Variants in MSH3 observed in about 807,000 individuals in gnomAD.
MSH3 encodes DNA mismatch repair protein Msh3.
MSH3 carries 106 observed loss-of-function variants against 123.3 expected under a neutral mutation model. The observed-to-expected ratio is 0.86, with a 90% CI of 0.73 to 1.01. The LOEUF is 1.01. MSH3 is among the 50% of genes least tolerant of loss of function. The probability of loss-of-function intolerance (pLI) is 0.00; values close to 1 mark genes in which losing one functional copy is unlikely to be tolerated. For synonymous variants in MSH3, 515 were observed against 481.4 expected (o/e 1.07, Z -0.91); for missense variants, 1,459 against 1,347.6 (o/e 1.08, Z -1.29).
chr5:80,713,620 C>T (rs1460637810), intron 8 of MSH3, among the ~76,000 whole-genome samples: 1 of 152,138 alleles, frequency 6.6e-6, no homozygotes, highest in Non-Finnish European at 1.5e-5. Context: ...AGATCTGGGT[C>T]AATTATATAA....
chr5:80,698,108 TC>T (rs1455504172), intron 8 of MSH3, among the ~76,000 whole-genome samples: 3 of 152,012 alleles, frequency 2.0e-5, no homozygotes, highest in Non-Finnish European at 4.4e-5. Flanking sequence ...CTCTATGTCT[TC>T]TATACTGGTT....
At chr5:80,724,827 C>A (rs989603085) in intron 8 of MSH3, among the ~76,000 whole-genome samples, 1 of 152,138 alleles carries the variant, frequency 6.6e-6, no homozygotes, top group African/African-American at 2.4e-5. Flanking sequence ...TATTTAGTAA[C>A]ATAATGGACC....
intron 20 of MSH3, among the ~76,000 whole-genome samples, chr5:80,821,484 A>G (rs1242224533): frequency 6.6e-6 from 1 of 152,264 alleles, no homozygotes; most frequent in African/African-American, 2.4e-5. Context: ...ACCCAGAGAT[A>G]CTGATCCCAT....
At chr5:80,809,589 T>C (rs1193540972) in intron 19 of MSH3, among the ~76,000 whole-genome samples, 3 of 152,228 alleles carry the variant, frequency 2.0e-5, no homozygotes, top group Non-Finnish European at 2.9e-5. Context: ...TTGAATTTGG[T>C]AATCCCATTT....
At position 80,746,423 on chromosome 5, in the gene MSH3, G is replaced by A. The variant is rs1743721879; in HGVS notation, c.1763+1808G>A. The A allele has an allele frequency of 6.8e-6, 3 of 442,376 alleles. No individual in the cohort carries two copies. The Admixed American group carries it at 8.0e-5, about 12-fold the overall frequency. The allele number at this position is 442,376 out of a possible 1,614,324, so 27.4% of individuals were successfully genotyped here. On this transcript the variant is annotated intron_variant, in intron 12 of 23. Transcript: ENST00000265081. Reference sequence around the variant, plus strand: ...TCATTTTTGATATTGGAAGTCTTGCGAATCTTCTCAGGACTTTTCTCCTTG... The same window carrying A: ...TCATTTTTGATATTGGAAGTCTTGCAAATCTTCTCAGGACTTTTCTCCTTG...
rs180781183 is a variant in MSH3, at chr5:80,715,820, G to A, written c.1341-9633G>A. On this transcript the variant is annotated intron_variant, in intron 8 of 23. Transcript: ENST00000265081. ...ACTCACTATCACAAGAACAGCAAGG[G>A]GGAAGTCCACTCCCATGATCCAGTC... Among the ~76,000 whole-genome samples, 11 of 152,104 alleles carry A rather than the reference G, an allele frequency of 7.2e-5. No individual in the cohort carries two copies. The East Asian group carries it at 2.1e-3, about 29-fold the overall frequency.
At chr5:80,810,239 A>G (rs1744986718) in intron 19 of MSH3, among the ~76,000 whole-genome samples, 1 of 147,510 alleles carries the variant, frequency 6.8e-6, no homozygotes, top group East Asian at 1.9e-4. Flanking sequence ...TAAAAAAGGT[A>G]CATTAATGTC....
At chr5:80,768,574 T>G (rs41554613) in intron 14 of MSH3, among the ~76,000 whole-genome samples, 2 of 152,270 alleles carry the variant, frequency 1.3e-5, no homozygotes, top group African/African-American at 4.8e-5. Context: ...TTGTCTTTGT[T>G]TTCTGCATAG....
At chr5:80,793,545 A>C (rs762584605) in intron 19 of MSH3, among the ~76,000 whole-genome samples, 4 of 152,172 alleles carry the variant, frequency 2.6e-5, no homozygotes, top group African/African-American at 9.7e-5. Context: ...AATGTTCCCC[A>C]GGGAGGAGAT....
chr5:80,717,091 T>G (rs1750978608), intron 8 of MSH3, among the ~76,000 whole-genome samples: 1 of 152,202 alleles, frequency 6.6e-6, no homozygotes, highest in Non-Finnish European at 1.5e-5. Context: ...TTCCACATTT[T>G]CATTATCTGT....
At chr5:80,817,629 A>G (rs1329279951) in intron 20 of MSH3, among the ~76,000 whole-genome samples, 2 of 152,148 alleles carry the variant, frequency 1.3e-5, no homozygotes, top group African/African-American at 2.4e-5. Flanking sequence ...GATACTTAAA[A>G]TCAAAATATC....
At chr5:80,804,883 A>T (rs1484148288) in intron 19 of MSH3, among the ~76,000 whole-genome samples, 3 of 152,228 alleles carry the variant, frequency 2.0e-5, no homozygotes, top group African/African-American at 7.2e-5. Context: ...GGCAATAGTG[A>T]ATGATACTCT....
intron 12 of MSH3, among the ~76,000 whole-genome samples, chr5:80,750,494 G>T (rs1743813605): frequency 6.6e-6 from 1 of 152,050 alleles, no homozygotes; most frequent in African/African-American, 2.4e-5. Context: ...GTTGAGCATT[G>T]TTTCATTTAT....
chr5:80,674,994 C>A lies in MSH3; in HGVS notation c.1039C>A (p.Leu347Ile). The A allele has an allele frequency of 6.2e-7, 1 of 1,606,280 alleles. No individual in the cohort carries two copies. Among genetic ancestry groups the A allele is most frequent in the Non-Finnish European group, 8.5e-7 (1 of 1,173,864 alleles). ...TTAATTATTATTAAATGTGAATCCCCTAATCAAGCTGGATGATGCTGTAAA... is the reference window on the plus strand; with the variant it reads ...TTAATTATTATTAAATGTGAATCCCATAATCAAGCTGGATGATGCTGTAAA... Reference protein sequence around the residue: ...STLIGEDVNPLIKLDDAVNVD... With the variant: ...STLIGEDVNPIIKLDDAVNVD... Residue 347 changes from leucine (L) to isoleucine (I), a missense_variant, in exon 7 of 24, where the codon CTA becomes ATA. Coordinates refer to ENST00000265081, the MANE Select transcript of MSH3 (RefSeq NM_002439.5).
Position 80,875,766 on chromosome 5 carries a change from T to C in MSH3, c.3318T>C (p.Tyr1106=). The change falls in exon 24 of 24, where the codon TAT becomes TAC. Residue 1106 remains tyrosine, a synonymous_variant. Coordinates refer to ENST00000265081, the MANE Select transcript of MSH3 (RefSeq NM_002439.5). ...LINTKRKRLK[Y]FAKLWTMHNA... The stretch of plus-strand genomic sequence containing the variant: ...TTTTCCCCAGAAAGAGACTCAAGTA[T>C]TTTGCAAAGTTATGGACGATGCATA... The C allele has an allele frequency of 6.2e-7, 1 of 1,612,332 alleles. No individual in the cohort carries two copies. The highest frequency in any genetic ancestry group is 1.1e-5 in the South Asian group (1 of 91,030).
At chr5:80,662,655 C>T (rs184315871) in intron 2 of MSH3, among the ~76,000 whole-genome samples, 11 of 151,934 alleles carry the variant, frequency 7.2e-5, no homozygotes, top group African/African-American at 2.2e-4. Context: ...GATGAAACCC[C>T]GTCTCTACTA....
intron 22 of MSH3, among the ~76,000 whole-genome samples, chr5:80,866,367 G>A (rs1281654016): frequency 6.6e-6 from 1 of 152,112 alleles, no homozygotes; most frequent in Admixed American, 6.5e-5. Flanking sequence ...TCAAACTGTT[G>A]AATTCAAGTG....
chr5:80,675,468 C>T (rs755431895), intron 7 of MSH3, among the ~76,000 whole-genome samples: 5 of 151,906 alleles, frequency 3.3e-5, no homozygotes, highest in Admixed American at 1.3e-4. Flanking sequence ...TGGCGAAAGG[C>T]GAAGGGGAAG....
At chr5:80,868,063 C>T (rs1184658195) in intron 22 of MSH3, among the ~76,000 whole-genome samples, 1 of 152,140 alleles carries the variant, frequency 6.6e-6, no homozygotes, top group Non-Finnish European at 1.5e-5. Context: ...ATCAAAACCA[C>T]AGTGAGATAC....
Sources: gnomAD v4.1 joint callset for allele counts (sites outside exome capture counted in the v4.1 genomes callset) on GRCh38, gnomAD v4.1.1 for gene constraint, MANE v1.5 for transcripts, NCBI Gene and HGNC (gene_info 2026-07-23, HGNC 2026-07-21) for gene names.